Variants in NEK6 observed in about 807,000 individuals in gnomAD.
NEK6 encodes the protein NIMA related kinase 6.
NEK6 carries 27 observed loss-of-function variants against 43.5 expected under a neutral mutation model. The ratio of observed to expected loss-of-function variants is 0.62; its 90% CI spans 0.46 to 0.86. The LOEUF (loss-of-function observed/expected upper bound fraction) is 0.86. Among genes scored for constraint, NEK6 ranks in the 40% least tolerant of loss-of-function variants. The pLI is 0.00. For missense variants in NEK6, 318 were observed against 414.4 expected (o/e 0.77, Z 2.02); for synonymous variants, 167 against 164.1 (o/e 1.02, Z -0.14).
At chr9:124,274,771 G>A (rs932167341) in intron 1 of NEK6, among the ~76,000 whole-genome samples, 1 of 152,190 alleles carries the variant, frequency 6.6e-6, no homozygotes, top group African/African-American at 2.4e-5. Flanking sequence ...GAGGGAGGGA[G>A]GTTGGGAGCT....
At chr9:124,325,510 C>T (rs1834289795) in intron 5 of NEK6, among the ~76,000 whole-genome samples, 2 of 152,228 alleles carry the variant, frequency 1.3e-5, no homozygotes, top group Admixed American at 1.3e-4. Flanking sequence ...AAGCAAAAAG[C>T]CCCTGCACAA....
chr9:124,273,392 A>G (rs937867594), intron 1 of NEK6, among the ~76,000 whole-genome samples: 2 of 152,180 alleles, frequency 1.3e-5, no homozygotes, highest in African/African-American at 4.8e-5. Context: ...GCTTGTGGAA[A>G]TGGACACTCA....
At chr9:124,261,599 C>G in intron 1 of NEK6, 3 of 985,276 alleles carry the variant, frequency 3.0e-6, no homozygotes, top group Non-Finnish European at 3.6e-6. Flanking sequence ...CTTCTTGTCA[C>G]TTGTCATTTA....
At chr9:124,316,227 G>C (rs1194157087) in intron 4 of NEK6, among the ~76,000 whole-genome samples, 1 of 152,244 alleles carries the variant, frequency 6.6e-6, no homozygotes, top group Non-Finnish European at 1.5e-5. Context: ...CCTCTCAAGT[G>C]CGGGGGCTGG....
At position 124,271,266 on chromosome 9, in the gene NEK6, G is replaced by A. The variant is rs1022482353; in HGVS notation, c.-30+13181G>A. Among the ~76,000 whole-genome samples the A allele has an allele frequency of 7.9e-5, 12 of 152,336 alleles. 1 individual carries two copies. In the South Asian group the frequency reaches 1.2e-3, roughly 16 times the overall value. On this transcript the variant is annotated intron_variant, in intron 1 of 9. Coordinates refer to ENST00000320246, the MANE Select transcript of NEK6 (RefSeq NM_014397.6). Reference sequence around the variant, plus strand: ...ACAAGGGTCAGAAATCGAGTGGCGCGGTTGCCAACCTTCTCACTCAGGAAC... The same window carrying A: ...ACAAGGGTCAGAAATCGAGTGGCGCAGTTGCCAACCTTCTCACTCAGGAAC...
chr9:124,320,297 A>G (rs531944458), intron 4 of NEK6, among the ~76,000 whole-genome samples: 10 of 152,284 alleles, frequency 6.6e-5, no homozygotes, highest in African/African-American at 1.9e-4. Flanking sequence ...AGCTGGGGCC[A>G]GTGGCTGAGC....
intron 1 of NEK6, among the ~76,000 whole-genome samples, chr9:124,285,656 A>G (rs1311713965): frequency 1.3e-5 from 2 of 152,200 alleles, no homozygotes; most frequent in African/African-American, 4.8e-5. Flanking sequence ...CGCTGGCTCC[A>G]CTGTGTCCAA....
chr9:124,314,839 T>C (rs373715473), intron 4 of NEK6, among the ~76,000 whole-genome samples: 1 of 152,148 alleles, frequency 6.6e-6, no homozygotes, highest in Admixed American at 6.5e-5. Context: ...TTCATATTTT[T>C]AGTAGAGACA....
intron 1 of NEK6, among the ~76,000 whole-genome samples, chr9:124,274,795 C>T (rs953323396): frequency 6.6e-6 from 1 of 152,196 alleles, no homozygotes; most frequent in Non-Finnish European, 1.5e-5. Context: ...CGGTCTGACG[C>T]ACTGTGCTTG....
intron 1 of NEK6, among the ~76,000 whole-genome samples, chr9:124,274,627 A>G (rs1831581174): frequency 6.6e-6 from 1 of 152,180 alleles, no homozygotes; most frequent in African/African-American, 2.4e-5. Context: ...TCACCTCCCA[A>G]TTCCCCAAGA....
intron 1 of NEK6, chr9:124,300,244 A>G (rs1420234509): frequency 6.6e-6 from 1 of 152,144 alleles, no homozygotes; most frequent in Non-Finnish European, 1.5e-5. Flanking sequence ...TCGGCCCACC[A>G]CTGTGGCTGG....
intron 1 of NEK6, among the ~76,000 whole-genome samples, chr9:124,297,955 A>G (rs1429601507): frequency 1.3e-5 from 2 of 152,210 alleles, no homozygotes; most frequent in Non-Finnish European, 2.9e-5. Flanking sequence ...GTGTGGACCA[A>G]TAGAACAAAA....
At chr9:124,323,880 C>T (rs1834195814) in intron 5 of NEK6, among the ~76,000 whole-genome samples, 2 of 152,182 alleles carry the variant, frequency 1.3e-5, no homozygotes, top group South Asian at 4.1e-4. Context: ...TCACCAGAGC[C>T]AACACTGGCT....
intron 1 of NEK6, among the ~76,000 whole-genome samples, chr9:124,296,200 G>A (rs763276542): frequency 6.6e-6 from 1 of 152,260 alleles, no homozygotes. Context: ...ATCACCCCTG[G>A]TGCTGGCACT....
At position 124,310,557 on chromosome 9, in the gene NEK6, G is replaced by A. The variant is rs189824260; in HGVS notation, c.91-1952G>A. Among the ~76,000 whole-genome samples, 19 of 152,256 alleles carry A rather than the reference G, an allele frequency of 1.2e-4. No individual in the cohort carries two copies. In the East Asian group the frequency reaches 3.3e-3, roughly 26 times the overall value. ...GCCTGGACTCCCATCACTCACTCCC[G>A]CAGGAGGGTGTTCTGTAGAGTTCCC... On this transcript the variant is annotated intron_variant, in intron 2 of 9. Coordinates refer to ENST00000320246, the MANE Select transcript of NEK6 (RefSeq NM_014397.6).
At chr9:124,313,805 C>G in intron 3 of NEK6, 118 bp from the exon 4 acceptor site, 1 of 970,640 alleles carries the variant, frequency 1.0e-6, no homozygotes. Context: ...GGGGGGGTCA[C>G]AGAGTCCCTT....
At chr9:124,274,919 T>C (rs1343695440) in intron 1 of NEK6, among the ~76,000 whole-genome samples, 2 of 152,198 alleles carry the variant, frequency 1.3e-5, no homozygotes, top group Non-Finnish European at 2.9e-5. Context: ...CTTTGGAGAC[T>C]GGCATTGATT....
At chr9:124,328,510 C>T (rs929002181) in intron 7 of NEK6, among the ~76,000 whole-genome samples, 2 of 152,280 alleles carry the variant, frequency 1.3e-5, no homozygotes, top group Admixed American at 1.3e-4. Flanking sequence ...GGGGCTGGGC[C>T]CCAGGAGCTG....
chr9:124,330,837 C>T (rs1828943098), intron 7 of NEK6, among the ~76,000 whole-genome samples: 1 of 152,150 alleles, frequency 6.6e-6, no homozygotes, highest in African/African-American at 2.4e-5. Context: ...CTCTGTGATT[C>T]TATACAGAGC....
Sources: allele counts gnomAD v4.1 joint callset (sites outside exome capture counted in the v4.1 genomes callset), GRCh38; gene constraint gnomAD v4.1.1; transcripts MANE v1.5; gene names NCBI Gene and HGNC (gene_info 2026-07-23, HGNC 2026-07-21).